The following OVCH1 variants were observed in gnomAD, a reference collection of about 807,000 sequenced individuals.
The protein encoded by OVCH1 is ovochymase-1.
Under a neutral mutation model 138.4 loss-of-function variants are expected in OVCH1, and 139 were observed. The observed-to-expected ratio is 1.00, with a 90% CI of 0.87 to 1.16. The LOEUF (loss-of-function observed/expected upper bound fraction) is 1.16. OVCH1 is among the 50% of genes most tolerant of loss of function. OVCH1 has a pLI of 0.00. For missense variants in OVCH1, 1,367 were observed against 1,357.9 expected, an observed-to-expected ratio of 1.01 and a Z score of -0.11; for synonymous variants, 453 against 467.8, an observed-to-expected ratio of 0.97 and a Z score of 0.41.
In OVCH1 at chr12:29,441,620, T is replaced by C. The variant is rs560650438; in HGVS notation, c.3157+1741A>G. 1.6e-4 allele frequency among the ~76,000 whole-genome samples: 25 copies of C among 152,118 alleles called. No individual in the cohort carries two copies. The South Asian group carries it at 5.2e-3, about 32-fold the overall frequency. On this transcript the variant is annotated intron_variant, in intron 25 of 27. Coordinates refer to ENST00000318184, the Ensembl canonical transcript of OVCH1. ...GGCAACAAAAGCCAAAATTGACAAATGGGATCTAATTAAACTAAAGAGCTT... is the reference window on the plus strand; with the variant it reads ...GGCAACAAAAGCCAAAATTGACAAACGGGATCTAATTAAACTAAAGAGCTT...
intron 2 of OVCH1, 50 bp from the exon 3 acceptor site, chr12:29,496,328 G>A (rs1431775841): frequency 1.4e-6 from 2 of 1,416,400 alleles, no homozygotes; most frequent in South Asian, 1.2e-5. Flanking sequence ...CCCCACATAT[G>A]TATCTCCATC....
downstream of OVCH1, among the ~76,000 whole-genome samples, chr12:29,423,588 G>T (rs75157149): frequency 2.3e-3 from 348 of 152,286 alleles, 2 homozygotes; most frequent in African/African-American, 8.1e-3. Context: ...TTTGCGCGAA[G>T]ATAACTAGAC....
intron 6 of OVCH1, 67 bp downstream of exon 6, chr12:29,489,552 TG>T: frequency 6.8e-7 from 1 of 1,463,132 alleles, no homozygotes; most frequent in Non-Finnish European, 9.1e-7. Flanking sequence ...GAGCTTCTTT[TG>T]GGGAAAGGCA....
chr12:29,417,078 G>C (rs1052856896), intron 3 of OVCH1, among the ~76,000 whole-genome samples: 1 of 152,148 alleles, frequency 6.6e-6, no homozygotes, highest in Non-Finnish European at 1.5e-5. Context: ...AATCCCAAAA[G>C]GTTACATACT....
intron 25 of OVCH1, chr12:29,439,565 C>A: frequency 8.6e-7 from 1 of 1,165,178 alleles, no homozygotes; most frequent in Non-Finnish European, 1.1e-6. Context: ...ACTCTCGGTA[C>A]TTTACCTCTC....
downstream of OVCH1, among the ~76,000 whole-genome samples, chr12:29,426,933 T>G (rs140037374): frequency 1.3e-5 from 2 of 152,340 alleles, no homozygotes; most frequent in African/African-American, 4.8e-5. Context: ...CTAATTTACA[T>G]TTAAATAGCA....
chr12:29,404,329 A>G, the OVCH1 span, among the ~76,000 whole-genome samples: 7 of 152,080 alleles, frequency 4.6e-5, no homozygotes, highest in Admixed American at 4.6e-4. Context: ...GTCTTCCAGA[A>G]TCTCCCTGCA....
At chr12:29,423,731 A>G (rs981226318), downstream of OVCH1, among the ~76,000 whole-genome samples, 18 of 152,238 alleles carry the variant, frequency 1.2e-4, no homozygotes, top group African/African-American at 4.3e-4. Flanking sequence ...AAGTTCTCCT[A>G]AAATAAAACA....
Position 29,497,550 on chromosome 12 carries a change from G to A in OVCH1, c.64+73C>T. ...TACCACCCCGACTTCCTGAGGCAAG[G>A]AGTAATGAAGTCTTCCCTCTCCAGC... On this transcript the variant is annotated intron_variant, in intron 1 of 27. Coordinates refer to ENST00000318184, the Ensembl canonical transcript of OVCH1. 3 of 1,560,778 alleles carry A rather than the reference G, an allele frequency of 1.9e-6. No homozygotes were observed. In the South Asian group the frequency reaches 3.5e-5, roughly 18 times the overall value.
chr12:29,409,778 T>C (rs1054881458), downstream of OVCH1, among the ~76,000 whole-genome samples: 3 of 152,178 alleles, frequency 2.0e-5, no homozygotes, highest in Non-Finnish European at 4.4e-5. Context: ...AAAAAATGTA[T>C]ATTCTGTTGA....
At chr12:29,413,645 ATG>A (rs937218318) in intron 3 of OVCH1, among the ~76,000 whole-genome samples, 81 of 145,090 alleles carry the variant, frequency 5.6e-4, no homozygotes, top group Middle Eastern at 7.4e-3. Flanking sequence ...GCATTTATGT[ATG>A]TGTCTGTGTG....
chr12:29,451,718 A>G, intron 21 of OVCH1, 149 bp from the exon 22 acceptor site: 1 of 618,510 alleles, frequency 1.6e-6, no homozygotes, highest in Non-Finnish European at 2.8e-6. Flanking sequence ...TTAGAAAACC[A>G]TTCTATTTAA....
At chr12:29,411,722 T>C, downstream of OVCH1, among the ~76,000 whole-genome samples, 1 of 151,854 alleles carries the variant, frequency 6.6e-6, no homozygotes, top group African/African-American at 2.4e-5. Flanking sequence ...TACTGGGGGG[T>C]GCCTCCTAGT....
At chr12:29,413,689 C>CACA (rs1354131856) in intron 3 of OVCH1, among the ~76,000 whole-genome samples, 3 of 147,022 alleles carry the variant, frequency 2.0e-5, no homozygotes, top group Admixed American at 6.8e-5. Flanking sequence ...CACACACACA[C>CACA]ATTGGTTTTC....
rs2136006099 is a variant in OVCH1 at position 29,471,302 on chromosome 12, C to A, written c.1856+500G>T. ...CCAAAATTTTATTTCCCCAGTAGTG[C>A]AATAATCAAGGCGGTAGGTTATTCT... On this transcript the variant is annotated intron_variant, in intron 16 of 27. Transcript: ENST00000318184. Among the ~76,000 whole-genome samples the A allele has an allele frequency of 2.0e-5, 3 of 152,214 alleles. No individual in the cohort carries two copies. In the Middle Eastern group the frequency reaches 0.01, roughly 518 times the overall value.
downstream of OVCH1, chr12:29,426,076 C>T (rs1222121565): frequency 2.0e-5 from 3 of 152,116 alleles, no homozygotes; most frequent in South Asian, 2.1e-4. Context: ...TACTATGATT[C>T]CCTTTATCTT....
chr12:29,488,492 G>A (rs1374267697), intron 6 of OVCH1, among the ~76,000 whole-genome samples: 1 of 151,724 alleles, frequency 6.6e-6, no homozygotes, highest in South Asian at 2.1e-4. Flanking sequence ...GGTGGTGGGT[G>A]CCTATAATCC....
At chr12:29,449,939 G>T (rs1003338289) in intron 22 of OVCH1, among the ~76,000 whole-genome samples, 1 of 152,166 alleles carries the variant, frequency 6.6e-6, no homozygotes, top group Non-Finnish European at 1.5e-5. Context: ...AATAAATGGT[G>T]CTGGGAAAAC....
intron 22 of OVCH1, among the ~76,000 whole-genome samples, chr12:29,447,310 TA>T (rs1395488369): frequency 6.6e-6 from 1 of 151,638 alleles, no homozygotes; most frequent in African/African-American, 2.4e-5. Context: ...AACAAAAAAA[TA>T]AAAGCAAAAA....
Sources: allele counts gnomAD v4.1 joint callset (sites outside exome capture counted in the v4.1 genomes callset), GRCh38; gene constraint gnomAD v4.1.1; transcripts MANE v1.5; gene names NCBI Gene and HGNC (gene_info 2026-07-23, HGNC 2026-07-21).